DLGAP4: variants seen among roughly 807,000 people sequenced by gnomAD.
DLGAP4 encodes the protein disks large-associated protein 4.
DLGAP4 carries 18 observed loss-of-function variants against 86.9 expected under a neutral mutation model. That is an observed-to-expected ratio of 0.21 (90% CI 0.14 to 0.31). DLGAP4 has a LOEUF of 0.31. DLGAP4 is among the 10% of genes least tolerant of loss of function. The pLI, the probability that DLGAP4 is intolerant of heterozygous loss-of-function variation, is 1.00. For missense variants in DLGAP4, 1,085 were observed against 1,362.6 expected (o/e 0.80, Z 3.21); for synonymous variants, 548 against 574.3 (o/e 0.95, Z 0.65).
intron 2 of DLGAP4, among the ~76,000 whole-genome samples, chr20:36,396,480 ACACACCACACACATG>A (rs1391584623): frequency 2.3e-5 from 3 of 128,038 alleles, no homozygotes; most frequent in Admixed American, 7.8e-5. Context: ...TACACATCAC[ACACACCACACACATG>A]CACACCATAC....
At chr20:36,380,671 G>GAGGC (rs1472116592) in intron 2 of DLGAP4, among the ~76,000 whole-genome samples, 1 of 147,178 alleles carries the variant, frequency 6.8e-6, no homozygotes, top group Non-Finnish European at 1.5e-5. Context: ...GAGAATCTCA[G>GAGGC]AGGCAGGCAG....
At chr20:36,369,190 T>C (rs1408913843) in intron 2 of DLGAP4, among the ~76,000 whole-genome samples, 1 of 152,080 alleles carries the variant, frequency 6.6e-6, no homozygotes, top group Non-Finnish European at 1.5e-5. Context: ...GGATGAGGTG[T>C]CTCCAGGGCA....
intron 7 of DLGAP4, among the ~76,000 whole-genome samples, chr20:36,453,969 G>GAAAAGA (rs1006355333): frequency 1.5e-5 from 2 of 132,848 alleles, no homozygotes; most frequent in African/African-American, 5.6e-5. Flanking sequence ...AAGAAAGAAA[G>GAAAAGA]AAAAGAAAAA....
chr20:36,462,423 G>A, intron 7 of DLGAP4: 4 of 1,506,724 alleles, frequency 2.7e-6, no homozygotes, highest in Non-Finnish European at 3.5e-6. Context: ...GCCCCCCTTT[G>A]AGCCTGCTTC....
At chr20:36,328,586 G>GGTT (rs1555891211) in intron 1 of DLGAP4, among the ~76,000 whole-genome samples, 1 of 151,902 alleles carries the variant, frequency 6.6e-6, no homozygotes, top group Non-Finnish European at 1.5e-5. Flanking sequence ...TTGTAGGGCA[G>GGTT]GTTGGTACAG....
chr20:36,349,287 A>G (rs1171046494), intron 1 of DLGAP4, among the ~76,000 whole-genome samples: 1 of 150,196 alleles, frequency 6.7e-6, no homozygotes, highest in Non-Finnish European at 1.5e-5. Flanking sequence ...GCGTGGTGGC[A>G]GGCGCCTGTA....
intron 1 of DLGAP4, among the ~76,000 whole-genome samples, chr20:36,312,618 A>G (rs1478759454): frequency 7.2e-5 from 11 of 152,024 alleles, no homozygotes; most frequent in Admixed American, 6.6e-4. Context: ...GGAGCAAAAG[A>G]CTTATTGAGG....
intron 8 of DLGAP4, chr20:36,498,198 G>A (rs189843136): frequency 6.6e-6 from 1 of 152,276 alleles, no homozygotes; most frequent in Non-Finnish European, 1.5e-5. Context: ...GCAGTTGCCT[G>A]TATTTGTTTC....
intron 2 of DLGAP4, among the ~76,000 whole-genome samples, chr20:36,383,284 T>C (rs1348432576): frequency 2.6e-5 from 4 of 152,130 alleles, no homozygotes; most frequent in East Asian, 3.9e-4. Flanking sequence ...CAGAAATAAA[T>C]CTAGCCCTCA....
chr20:36,307,783 C>T (rs2065018655), intron 1 of DLGAP4, among the ~76,000 whole-genome samples: 1 of 152,190 alleles, frequency 6.6e-6, no homozygotes, highest in African/African-American at 2.4e-5. Flanking sequence ...GGGGGGAGTC[C>T]TGGCTCTCTC....
intron 10 of DLGAP4, among the ~76,000 whole-genome samples, chr20:36,514,043 G>A (rs1377269956): frequency 1.3e-5 from 2 of 152,182 alleles, no homozygotes; most frequent in South Asian, 4.1e-4. Context: ...AATAAGTAGA[G>A]AAGACAAGCT....
At chr20:36,459,710 C>T (rs371681597) in intron 7 of DLGAP4, among the ~76,000 whole-genome samples, 1 of 152,202 alleles carries the variant, frequency 6.6e-6, no homozygotes, top group Non-Finnish European at 1.5e-5. Flanking sequence ...CAGGTTCAAG[C>T]GATTCACCTG....
chr20:36,396,586 CCAGA>C (rs1346260945), intron 2 of DLGAP4, among the ~76,000 whole-genome samples: 29 of 27,204 alleles, frequency 1.1e-3, no homozygotes, highest in African/African-American at 1.5e-3. Flanking sequence ...CATACACACA[CCAGA>C]CACACACACG....
chr20:36,456,250 G>A (rs1190798433), intron 7 of DLGAP4, among the ~76,000 whole-genome samples: 2 of 152,196 alleles, frequency 1.3e-5, no homozygotes, highest in Non-Finnish European at 2.9e-5. Flanking sequence ...CCAGCTAGTA[G>A]GTCAGGGAGC....
rs2147578125 is a variant in DLGAP4, at chr20:36,446,755, A to G, written c.1466A>G (p.Glu489Gly). ...GCGGCCTGCGAGTCAGCCTGCAGTG[A>G]AGCGGAGTCCACAGCGGCAGAGACG... ...YEAACESACS[E>G]AESTAAETLD... The change falls in exon 7 of 13, where the codon GAA (glutamate) becomes GGA (glycine). Residue 489 changes from glutamate to glycine, a missense_variant. By Grantham distance (98) the Glu-to-Gly change is moderately conservative (BLOSUM62 -2). This residue lies in a region of DLGAP4 where 1,082 missense variants were observed against 1,344.1 expected (regional missense o/e 0.81). Transcript: ENST00000339266. 1 of 1,613,122 alleles carries G rather than the reference A, an allele frequency of 6.2e-7. No homozygotes were observed. Among genetic ancestry groups the G allele is most frequent in the Non-Finnish European group, 8.5e-7 (1 of 1,179,844 alleles).
intron 7 of DLGAP4, among the ~76,000 whole-genome samples, chr20:36,485,642 G>C (rs1242926502): frequency 6.6e-6 from 1 of 152,134 alleles, no homozygotes; most frequent in Non-Finnish European, 1.5e-5. Context: ...TGGCCTTGCA[G>C]AGCAGAGCTT....
intron 8 of DLGAP4, 103 bp downstream of exon 8, chr20:36,497,169 G>C (rs2035924149): frequency 6.7e-7 from 1 of 1,497,068 alleles, no homozygotes; most frequent in Non-Finnish European, 8.9e-7. Context: ...GGAAAAGGTG[G>C]TTTGTCTCTC....
intron 7 of DLGAP4, among the ~76,000 whole-genome samples, chr20:36,480,081 A>G (rs779051601): frequency 1.3e-5 from 2 of 152,158 alleles, no homozygotes; most frequent in African/African-American, 4.8e-5. Flanking sequence ...TTCTCATTTT[A>G]TAGATGGGAG....
chr20:36,522,518 C>G (rs988711464), intron 10 of DLGAP4, among the ~76,000 whole-genome samples: 2 of 151,968 alleles, frequency 1.3e-5, no homozygotes, highest in African/African-American at 4.8e-5. Flanking sequence ...TGGGTATGCT[C>G]CTTTTGTTTG....
Sources: gnomAD v4.1 joint callset for allele counts (sites outside exome capture counted in the v4.1 genomes callset) on GRCh38, gnomAD v4.1.1 for gene constraint, gnomAD v4.1.1 regional missense constraint, MANE v1.5 for transcripts, NCBI Gene and HGNC (gene_info 2026-07-23, HGNC 2026-07-21) for gene names.